Variants in UTY observed in about 807,000 individuals in gnomAD.
UTY encodes the protein histone demethylase UTY.
UTY carries 12 observed loss-of-function variants against 32.5 expected under a neutral mutation model. The ratio of observed to expected loss-of-function variants is 0.37; its 90% CI spans 0.24 to 0.60. UTY has a LOEUF of 0.60. UTY is among the 20% of genes least tolerant of loss of function. The probability of loss-of-function intolerance (pLI) is 0.69; values close to 1 mark genes in which losing one functional copy is unlikely to be tolerated. For missense variants in UTY, 303 were observed against 299.2 expected (o/e 1.01, Z -0.09); for synonymous variants, 131 against 103.4 (o/e 1.27, Z -1.62).
At position 13,393,866 on chromosome Y, in the gene UTY, T is replaced by C; in HGVS notation, c.638A>G (p.Glu213Gly). Residue 213 changes from glutamate to glycine, a missense_variant, in exon 8 of 30, where the codon GAA (glutamate) becomes GGA (glycine). Coordinates refer to ENST00000545955, the MANE Select transcript of UTY (RefSeq NM_001258249.2). ...EIQFHIAHLY[E>G]TQRKYHSAKE... ...TTAAGTTAAAACACTTACCTGGGTT[T>C]CATACAAATGGGCAATATGAAATTG... is the stretch of plus-strand genomic sequence containing the variant. 2.6e-6 allele frequency: 1 copy of C among 387,213 alleles called. No homozygotes were observed. The highest frequency in any genetic ancestry group is 3.6e-6 in the Non-Finnish European group (1 of 277,182).
chrY:13,347,384 G>C, intron 17 of UTY, among the ~76,000 whole-genome samples: 10 of 32,933 alleles, frequency 3.0e-4, no homozygotes, highest in African/African-American at 1.2e-3. Context: ...TCTCACTTCT[G>C]TAACTTCCTT....
intron 28 of UTY, among the ~76,000 whole-genome samples, chrY:13,243,118 C>T (rs926856433): frequency 9.6e-5 from 3 of 31,224 alleles, no homozygotes; most frequent in African/African-American, 3.8e-4. Flanking sequence ...GCCAGTAGTT[C>T]CAGCAGCATG....
chrY:13,431,450 G>A, intron 4 of UTY, among the ~76,000 whole-genome samples: 1 of 32,580 alleles, frequency 3.1e-5, no homozygotes, highest in Non-Finnish European at 7.5e-5. Flanking sequence ...ACACAGATGC[G>A]TGCACACACA....
chrY:13,334,959 G>A (rs2060949391), intron 18 of UTY, among the ~76,000 whole-genome samples: 1 of 33,721 alleles, frequency 3.0e-5, no homozygotes, highest in Non-Finnish European at 7.4e-5. Flanking sequence ...ATCAGTGATA[G>A]ACTGGATAAA....
chrY:13,469,745 T>A, intron 3 of UTY, among the ~76,000 whole-genome samples: 1 of 33,344 alleles, frequency 3.0e-5, no homozygotes, highest in East Asian at 7.7e-4. Flanking sequence ...AATCGAGAAA[T>A]CAAATGAGGA....
chrY:13,254,696 C>A (rs2054543461), intron 28 of UTY, among the ~76,000 whole-genome samples: 1 of 33,276 alleles, frequency 3.0e-5, no homozygotes, highest in Non-Finnish European at 7.4e-5. Context: ...AATAGGATTC[C>A]TTTTAGGAAG....
chrY:13,355,019 A>G lies in UTY; in HGVS notation c.2045T>C (p.Leu682Pro), dbSNP rs750746686. Residue 682 changes from leucine to proline, a missense_variant, in exon 17 of 30, where the codon CTA (leucine) becomes CCA (proline). By Grantham distance (98) the Leu-to-Pro change is moderately conservative (BLOSUM62 -3). Transcript: ENST00000545955. ...SSTEEPWRKQ[L>P]SNSAQGLHKS... is the part of the protein sequence containing the mutation. ...TTTTTTTACCTGAGCGGAGTTAGATAGCTGTTTTCTCCATGGCTCTTCTGT... is the reference window on the plus strand; with the variant it reads ...TTTTTTTACCTGAGCGGAGTTAGATGGCTGTTTTCTCCATGGCTCTTCTGT... 1 of 398,914 alleles carries G rather than the reference A, an allele frequency of 2.5e-6. No homozygotes were observed. Among genetic ancestry groups the G allele is most frequent in the Non-Finnish European group, 3.5e-6 (1 of 283,672 alleles).
At chrY:13,330,440 C>T in intron 18 of UTY, among the ~76,000 whole-genome samples, 1 of 33,622 alleles carries the variant, frequency 3.0e-5, no homozygotes, top group Non-Finnish European at 7.4e-5. Flanking sequence ...CAGGGACCTC[C>T]CTCCCTCAGC....
At chrY:13,331,241 T>C (rs2060672661) in intron 18 of UTY, among the ~76,000 whole-genome samples, 1 of 33,592 alleles carries the variant, frequency 3.0e-5, no homozygotes, top group African/African-American at 1.2e-4. Context: ...ACAGGACTGA[T>C]CCAGCTGGGA....
At chrY:13,322,440 C>T in intron 21 of UTY, among the ~76,000 whole-genome samples, 1 of 32,552 alleles carries the variant, frequency 3.1e-5, no homozygotes, top group African/African-American at 1.2e-4. Flanking sequence ...CACCCGCCAC[C>T]ACACAGGGCT....
At chrY:13,320,303 G>T in intron 21 of UTY, among the ~76,000 whole-genome samples, 1 of 32,618 alleles carries the variant, frequency 3.1e-5, no homozygotes, top group Non-Finnish European at 7.5e-5. Flanking sequence ...CTTGTCAATT[G>T]TGTCTTTGAC....
intron 8 of UTY, among the ~76,000 whole-genome samples, chrY:13,389,097 A>G (rs2067236525): frequency 3.0e-5 from 1 of 32,803 alleles, no homozygotes; most frequent in South Asian, 6.9e-4. Flanking sequence ...GATTAGTTCT[A>G]CTAAGCAGTG....
chrY:13,432,314 T>G, intron 4 of UTY, among the ~76,000 whole-genome samples: 1 of 33,664 alleles, frequency 3.0e-5, no homozygotes, highest in Admixed American at 2.7e-4. Flanking sequence ...CTCCCATTTC[T>G]GAAAATGAAG....
At chrY:13,474,023 G>T (rs2078802235) in intron 2 of UTY, among the ~76,000 whole-genome samples, 1 of 32,826 alleles carries the variant, frequency 3.0e-5, no homozygotes, top group Non-Finnish European at 7.5e-5. Context: ...GCCAAGGCAG[G>T]CAGATCACCT....
chrY:13,316,174 GCTTGGT>G, intron 21 of UTY, among the ~76,000 whole-genome samples: 1 of 33,509 alleles, frequency 3.0e-5, no homozygotes, highest in East Asian at 7.9e-4. Flanking sequence ...TCCTACTGGT[GCTTGGT>G]ACCAGCTTAA....
chrY:13,310,406 G>T, intron 21 of UTY, among the ~76,000 whole-genome samples: 2 of 32,201 alleles, frequency 6.2e-5, no homozygotes, highest in Non-Finnish European at 1.5e-4. Context: ...TGAACTAGTG[G>T]GTTTTCCTCC....
intron 21 of UTY, among the ~76,000 whole-genome samples, chrY:13,321,262 G>A (rs963801040): frequency 1.8e-4 from 6 of 33,396 alleles, no homozygotes; most frequent in Non-Finnish European, 3.7e-4. Flanking sequence ...TTTCAAAAAC[G>A]ATAGTAAACC....
chrY:13,363,161 C>G, intron 10 of UTY, among the ~76,000 whole-genome samples: 1 of 32,699 alleles, frequency 3.1e-5, no homozygotes, highest in Non-Finnish European at 7.5e-5. Flanking sequence ...CTCGGCCTCC[C>G]TAAGTGCTGG....
At chrY:13,337,116 A>AT (rs2061139061) in intron 17 of UTY, among the ~76,000 whole-genome samples, 2 of 33,420 alleles carry the variant, frequency 6.0e-5, no homozygotes, top group African/African-American at 1.2e-4. Flanking sequence ...AAGGGAATAA[A>AT]TAACACAGGT....
Sources: allele counts gnomAD v4.1 joint callset (sites outside exome capture counted in the v4.1 genomes callset), GRCh38; gene constraint gnomAD v4.1.1; transcripts MANE v1.5; gene names NCBI Gene and HGNC (gene_info 2026-07-23, HGNC 2026-07-21).